ERC2: variants seen among roughly 807,000 people sequenced by gnomAD.
ERC2 encodes ERC protein 2.
In ERC2, 42 loss-of-function variants were observed where a neutral mutation model predicts 114.8. The ratio of observed to expected loss-of-function variants is 0.37; its 90% CI spans 0.29 to 0.47. The LOEUF is 0.47. ERC2 is among the 20% of genes least tolerant of loss of function. ERC2 has a pLI of 0.99. For synonymous variants in ERC2, 454 were observed against 425.5 expected (o/e 1.07, Z -0.82); for missense variants, 939 against 1,150.7 (o/e 0.82, Z 2.66).
At chr3:55,718,310 G>A (rs537927704) in intron 15 of ERC2, among the ~76,000 whole-genome samples, 129 of 152,166 alleles carry the variant, frequency 8.5e-4, no homozygotes, top group African/African-American at 3.0e-3. Context: ...AGAATCATCC[G>A]ACTTGAGAAG....
At chr3:55,967,164 G>A (rs368953094) in intron 12 of ERC2, among the ~76,000 whole-genome samples, 7 of 152,076 alleles carry the variant, frequency 4.6e-5, no homozygotes, top group Non-Finnish European at 8.8e-5. Flanking sequence ...TAAAGTTTTC[G>A]AAAATTCCTA....
At chr3:55,905,030 T>C (rs1306847863) in intron 13 of ERC2, among the ~76,000 whole-genome samples, 2 of 152,190 alleles carry the variant, frequency 1.3e-5, no homozygotes, top group Admixed American at 6.5e-5. Flanking sequence ...TTTCCAAATA[T>C]GAACAAAAAA....
At chr3:56,205,744 C>A (rs935218105) in intron 3 of ERC2, among the ~76,000 whole-genome samples, 2 of 152,164 alleles carry the variant, frequency 1.3e-5, no homozygotes, top group Non-Finnish European at 2.9e-5. Context: ...TTGTGTCCTA[C>A]AGGAGAGCAC....
intron 13 of ERC2, among the ~76,000 whole-genome samples, chr3:55,928,007 G>A (rs1055666494): frequency 6.6e-6 from 1 of 152,180 alleles, no homozygotes; most frequent in African/African-American, 2.4e-5. Context: ...CCACTCATCT[G>A]TTGATAGACA....
At chr3:56,408,739 G>A (rs2107073901) in intron 2 of ERC2, among the ~76,000 whole-genome samples, 1 of 152,348 alleles carries the variant, frequency 6.6e-6, no homozygotes, top group Non-Finnish European at 1.5e-5. Flanking sequence ...GGTAAGGGCT[G>A]GCAGGCTCCT....
At chr3:55,597,801 C>T (rs1176440324) in intron 17 of ERC2, among the ~76,000 whole-genome samples, 2 of 152,172 alleles carry the variant, frequency 1.3e-5, no homozygotes, top group East Asian at 1.9e-4. Flanking sequence ...GTGACCCTAG[C>T]CCTTCATAGA....
At chr3:55,628,562 G>C (rs1362654031) in intron 17 of ERC2, among the ~76,000 whole-genome samples, 1 of 152,008 alleles carries the variant, frequency 6.6e-6, no homozygotes, top group Non-Finnish European at 1.5e-5. Context: ...TGTTTACTCT[G>C]ACTGTTTTTA....
intron 14 of ERC2, among the ~76,000 whole-genome samples, chr3:55,806,043 A>T (rs1270988288): frequency 6.6e-6 from 1 of 152,150 alleles, no homozygotes; most frequent in Non-Finnish European, 1.5e-5. Context: ...CTAAAAGCTT[A>T]AAGAAGATAT....
chr3:56,343,568 T>A (rs1331657296), intron 2 of ERC2, among the ~76,000 whole-genome samples: 1 of 152,174 alleles, frequency 6.6e-6, no homozygotes, highest in East Asian at 1.9e-4. Flanking sequence ...CAGTGAGCTA[T>A]GATCACCTTA....
chr3:55,538,448 A>G (rs1057288319), intron 17 of ERC2, among the ~76,000 whole-genome samples: 8 of 152,194 alleles, frequency 5.3e-5, no homozygotes, highest in African/African-American at 1.9e-4. Context: ...GGATGCCGAG[A>G]AGGTGCTGAG....
rs557108119 is a variant in ERC2 at position 56,396,610 on chromosome 3, T to G, written c.657+37741A>C. Among the ~76,000 whole-genome samples, 22 of 152,374 alleles carry G rather than the reference T, an allele frequency of 1.4e-4. No homozygotes were observed. The South Asian group carries it at 4.3e-3, about 30-fold the overall frequency. ...AATACCAAGGAATGTATTCTCAGTTTAATGACATATCTTAGAGTGATGGGA... is the reference window on the plus strand; with the variant it reads ...AATACCAAGGAATGTATTCTCAGTTGAATGACATATCTTAGAGTGATGGGA... On this transcript the variant is annotated intron_variant, in intron 2 of 17. Coordinates refer to ENST00000288221, the MANE Select transcript of ERC2 (RefSeq NM_015576.3).
intron 7 of ERC2, among the ~76,000 whole-genome samples, chr3:56,046,184 T>C (rs948936018): frequency 6.6e-6 from 1 of 152,178 alleles, no homozygotes; most frequent in African/African-American, 2.4e-5. Context: ...AAATAATAGT[T>C]ACTCCCAATT....
At chr3:55,636,182 A>G (rs750948820) in intron 17 of ERC2, among the ~76,000 whole-genome samples, 227 of 152,300 alleles carry the variant, frequency 1.5e-3, no homozygotes, top group Non-Finnish European at 8.2e-4. Context: ...AGCCTCCATC[A>G]GAGATTTATA....
At chr3:55,704,454 T>C (rs370012505) in intron 15 of ERC2, among the ~76,000 whole-genome samples, 3 of 152,238 alleles carry the variant, frequency 2.0e-5, no homozygotes, top group East Asian at 3.8e-4. Flanking sequence ...TACTGTTTTA[T>C]TCTATCAGGC....
At chr3:56,019,072 A>C in intron 7 of ERC2, 41 bp from the exon 8 acceptor site, 1 of 1,511,966 alleles carries the variant, frequency 6.6e-7, no homozygotes, top group Non-Finnish European at 9.0e-7. Context: ...ATTTGATTAC[A>C]TATCCTAGGC....
At chr3:55,717,644 G>C (rs902711800) in intron 15 of ERC2, among the ~76,000 whole-genome samples, 1 of 152,166 alleles carries the variant, frequency 6.6e-6, no homozygotes, top group South Asian at 2.1e-4. Context: ...CACCGTAAGA[G>C]ATCTGAGAAA....
intron 3 of ERC2, among the ~76,000 whole-genome samples, chr3:56,225,690 G>A (rs2050205132): frequency 6.6e-6 from 1 of 152,164 alleles, no homozygotes; most frequent in East Asian, 1.9e-4. Flanking sequence ...CTGCATTGAT[G>A]CATGTTCTCC....
chr3:55,726,088 C>T (rs1428900490), intron 15 of ERC2, among the ~76,000 whole-genome samples: 2 of 152,204 alleles, frequency 1.3e-5, no homozygotes, highest in Non-Finnish European at 2.9e-5. Context: ...ACTGTAAAGA[C>T]ACTTTGCACT....
chr3:55,667,050 C>G (rs545595414), intron 17 of ERC2, among the ~76,000 whole-genome samples: 1 of 152,238 alleles, frequency 6.6e-6, no homozygotes, highest in African/African-American at 2.4e-5. Context: ...GTTTCCCAGG[C>G]TAATCCACAA....
Sources: gnomAD v4.1 joint callset for allele counts (sites outside exome capture counted in the v4.1 genomes callset) on GRCh38, gnomAD v4.1.1 for gene constraint, MANE v1.5 for transcripts, NCBI Gene and HGNC (gene_info 2026-07-23, HGNC 2026-07-21) for gene names.